Variants in HHIPL2 observed in about 807,000 individuals in gnomAD.
HHIPL2 encodes HHIP-like protein 2.
HHIPL2 carries 61 observed loss-of-function variants against 61.0 expected under a neutral mutation model. The observed-to-expected ratio is 1.00, with a 90% CI of 0.81 to 1.24. HHIPL2 has a LOEUF of 1.24. Ranked by LOEUF, HHIPL2 falls within the 50% of genes most tolerant of loss-of-function variation. HHIPL2 has a pLI of 0.00. For missense variants in HHIPL2, 885 were observed against 910.2 expected, an observed-to-expected ratio of 0.97 and a Z score of 0.36; for synonymous variants, 343 against 357.4, an observed-to-expected ratio of 0.96 and a Z score of 0.45.
intron 5 of HHIPL2, among the ~76,000 whole-genome samples, chr1:222,533,324 C>G (rs994794528): frequency 6.7e-6 from 1 of 149,882 alleles, no homozygotes; most frequent in Admixed American, 6.7e-5. Context: ...GAGATTGCAC[C>G]ACTGCACTCC....
In HHIPL2 at chr1:222,524,048, A is replaced by T. The variant is rs78287036; in HGVS notation, c.1806-354T>A. 59 of 265,036 alleles carry T rather than the reference A, an allele frequency of 2.2e-4. No homozygotes were observed. In the East Asian group the frequency reaches 5.5e-3, roughly 25 times the overall value. The allele number at this position is 265,036 out of a possible 1,614,324, so 16.4% of individuals were successfully genotyped here. The stretch of plus-strand genomic sequence containing the variant: ...AACTAATGTTTCCCATCTGGCTTGG[A>T]ACAGTGCCCAGAACATAACAAGAGC... On this transcript the variant is annotated intron_variant, in intron 7 of 8. Coordinates refer to ENST00000343410, the MANE Select transcript of HHIPL2 (RefSeq NM_024746.4).
Position 222,522,829 on chromosome 1 carries a change from A to C in HHIPL2, c.1947T>G (p.Ser649Arg). The C allele has an allele frequency of 3.1e-6, 5 of 1,614,192 alleles. No homozygotes were observed. Among genetic ancestry groups the C allele is most frequent in the Non-Finnish European group, 4.2e-6 (5 of 1,180,030 alleles). ...QSEKAARKSS[S>R]ATLASGPAQG... is the part of the protein sequence containing the mutation. ...GGGCTGGGCCAGAAGCTAAGGTTGC[A>C]CTGGAAGATTTTCTAGCAGCTTTCT... is the stretch of plus-strand genomic sequence containing the variant. Residue 649 changes from serine to arginine, a missense_variant, in exon 9 of 9, where the codon AGT becomes AGG. Physicochemically the swap from Ser to Arg is moderately radical, Grantham distance 110 (BLOSUM62 -1). Coordinates refer to ENST00000343410, the MANE Select transcript of HHIPL2 (RefSeq NM_024746.4).
At chr1:222,537,391 C>T (rs1038405959) in intron 5 of HHIPL2, among the ~76,000 whole-genome samples, 2 of 150,750 alleles carry the variant, frequency 1.3e-5, no homozygotes, top group African/African-American at 4.9e-5. Flanking sequence ...TTCTATTCAA[C>T]ACTGCACTGA....
At position 222,547,876 on chromosome 1, in the gene HHIPL2, G is replaced by A. The variant is rs1445451361; in HGVS notation, c.169C>T (p.His57Tyr). Residue 57 changes from histidine (H) to tyrosine (Y), a missense_variant, in exon 1 of 9, where the codon CAC becomes TAC. By Grantham distance (83) the His-to-Tyr change is moderately conservative. Transcript: ENST00000343410. Reference protein sequence around the residue: ...DYGPPFQPPLHLEFCSDYESF... With the variant: ...DYGPPFQPPLYLEFCSDYESF... ...TCATAGTCAGAGCAAAACTCAAGGT[G>A]CAGAGGGGGCTGGAAAGGGGGCCCG... The A allele has an allele frequency of 1.7e-5, 28 of 1,614,066 alleles. No individual in the cohort carries two copies. The highest frequency in any genetic ancestry group is 2.3e-5 in the Non-Finnish European group (27 of 1,180,044).
Position 222,540,233 on chromosome 1 carries a change from G to C in HHIPL2, c.1227C>G (p.Ala409=). 2 of 1,614,260 alleles carry C rather than the reference G, an allele frequency of 1.2e-6. No homozygotes were observed. Among genetic ancestry groups the C allele is most frequent in the Non-Finnish European group, 1.7e-6 (2 of 1,180,050 alleles). The change falls in exon 4 of 9, where the codon GCC becomes GCG. Residue 409 remains alanine, a synonymous_variant. Transcript: ENST00000343410. ...TCCCATAGGCATAGATGGCGGGGTG[G>C]GCCCCTGGCTCAGAAACAAATGGAT... ...SDNPFVSEPG[A]HPAIYAYGIR...
chr1:222,523,556 G>A, intron 8 of HHIPL2, 56 bp downstream of exon 8: 1 of 1,491,208 alleles, frequency 6.7e-7, no homozygotes, highest in South Asian at 1.1e-5. Flanking sequence ...CTTGCTGAGG[G>A]CACTGCCTTA....
At position 222,532,017 on chromosome 1, in the gene HHIPL2, G is replaced by T. The variant is rs554166326; in HGVS notation, c.1672C>A (p.Leu558Met). ...ATGAACTTGCTATGGGTGCTGATCA[G>T]CCCTGGGAAGGCACAGGACGTGGTG... ...GSTTSCAFPG[L>M]ISTHSKFIIS... The change falls in exon 6 of 9, where the codon CTG becomes ATG. Residue 558 changes from leucine (L) to methionine (M), a missense_variant. Transcript: ENST00000343410. The T allele has an allele frequency of 6.2e-7, 1 of 1,613,640 alleles. No individual in the cohort carries two copies. The highest frequency in any genetic ancestry group is 1.1e-5 in the South Asian group (1 of 91,050).
Position 222,522,878 on chromosome 1 carries a change from A to G in HHIPL2, c.1898T>C (p.Leu633Ser). Residue 633 changes from leucine (L) to serine (S), a missense_variant, in exon 9 of 9, where the codon TTG becomes TCG. Physicochemically the swap from Leu to Ser is moderately radical, Grantham distance 145. Transcript: ENST00000343410. ...CTCTGATTGTTCCTTTAGCAAGTCCAAGACTGTCTCTGAGAAATCAGTATT... is the reference window on the plus strand; with the variant it reads ...CTCTGATTGTTCCTTTAGCAAGTCCGAGACTGTCTCTGAGAAATCAGTATT... ...IPFRPLAKTV[L>S]DLLKEQSEKA... 6.2e-7 allele frequency: 1 copy of G among 1,612,938 alleles called. No individual in the cohort carries two copies. Among genetic ancestry groups the G allele is most frequent in the Admixed American group, 1.7e-5 (1 of 59,830 alleles).
rs1237979848 is a variant in HHIPL2 at position 222,526,966 on chromosome 1, C to T, written c.1805+3G>A. On this transcript the variant is annotated splice_donor_region_variant and intron_variant, in intron 7 of 8. Transcript: ENST00000343410. The stretch of plus-strand genomic sequence containing the variant: ...TTGAGAAGAAAATGACATCAAATCT[C>T]ACCTTGAGGGGTCAACAAACTTGTA... 6.2e-7 allele frequency: 1 copy of T among 1,610,426 alleles called. No individual in the cohort carries two copies. The highest frequency in any genetic ancestry group is 8.5e-7 in the Non-Finnish European group (1 of 1,177,612).
chr1:222,528,002 C>T (rs1164659897), intron 6 of HHIPL2, among the ~76,000 whole-genome samples: 1 of 152,124 alleles, frequency 6.6e-6, no homozygotes, highest in African/African-American at 2.4e-5. Flanking sequence ...TGAAAACGGA[C>T]TAATACACTC....
chr1:222,540,457 C>T, intron 3 of HHIPL2, 116 bp from the exon 4 acceptor site: 1 of 763,638 alleles, frequency 1.3e-6, no homozygotes, highest in Admixed American at 2.9e-5. Flanking sequence ...CTAAGGATCC[C>T]ATGGGAAGAT....
At chr1:222,532,315 T>G (rs1659209970) in intron 5 of HHIPL2, among the ~76,000 whole-genome samples, 1 of 152,176 alleles carries the variant, frequency 6.6e-6, no homozygotes, top group Non-Finnish European at 1.5e-5. Flanking sequence ...GTTCATGTTC[T>G]ATATAAAAGG....
intron 5 of HHIPL2, among the ~76,000 whole-genome samples, chr1:222,534,327 G>T (rs1659253722): frequency 6.6e-6 from 1 of 152,188 alleles, no homozygotes; most frequent in Admixed American, 6.6e-5. Context: ...AGTAAAATCT[G>T]TCCATTGAAA....
At chr1:222,542,528 C>CTTT (rs772394115) in intron 2 of HHIPL2, among the ~76,000 whole-genome samples, 8 of 97,172 alleles carry the variant, frequency 8.2e-5, no homozygotes, top group Admixed American at 1.4e-4. Context: ...CCACATCTGG[C>CTTT]TTTTTTTTTT....
chr1:222,547,338 G>A (rs987784441), intron 1 of HHIPL2, among the ~76,000 whole-genome samples: 11 of 152,154 alleles, frequency 7.2e-5, no homozygotes, highest in East Asian at 3.9e-4. Context: ...CTCCCTTAAC[G>A]CGCTCGGTAA....
intron 3 of HHIPL2, 137 bp downstream of exon 3, chr1:222,541,875 C>A: frequency 1.5e-5 from 13 of 843,132 alleles, no homozygotes; most frequent in South Asian, 7.4e-5. Context: ...AACAGAAAAC[C>A]AAATGTTCCT....
At chr1:222,526,277 G>A (rs188059186) in intron 7 of HHIPL2, among the ~76,000 whole-genome samples, 15 of 152,274 alleles carry the variant, frequency 9.9e-5, no homozygotes, top group African/African-American at 3.4e-4. Context: ...GAACCTGCCA[G>A]TTAAACGTAT....
intron 2 of HHIPL2, 83 bp from the exon 3 acceptor site, chr1:222,542,238 G>T: frequency 6.7e-7 from 1 of 1,498,214 alleles, no homozygotes; most frequent in Non-Finnish European, 8.9e-7. Flanking sequence ...AAATGACTGG[G>T]CCAAGCCACC....
At chr1:222,543,394 C>T in intron 2 of HHIPL2, 143 bp downstream of exon 2, 8 of 810,316 alleles carry the variant, frequency 9.9e-6, no homozygotes, top group Non-Finnish European at 1.6e-5. Context: ...TAACTTGGGC[C>T]GTTCTCAATC....
Sources: allele counts gnomAD v4.1 joint callset (sites outside exome capture counted in the v4.1 genomes callset), GRCh38; gene constraint gnomAD v4.1.1; transcripts MANE v1.5; gene names NCBI Gene and HGNC (gene_info 2026-07-23, HGNC 2026-07-21).